BLTP1: variants seen among roughly 807,000 people sequenced by gnomAD.
BLTP1 encodes bridge-like lipid transfer protein family member 1, also known as fragile site-associated protein.
the BLTP1 span, among the ~76,000 whole-genome samples, chr4:122,239,019 T>C: frequency 1.5e-4 from 23 of 152,180 alleles, no homozygotes; most frequent in African/African-American, 5.1e-4. Flanking sequence ...GGATGTTTCA[T>C]GGAGACTTCA....
At chr4:122,196,663 CCTGA>C in the BLTP1 span, 1 of 1,609,056 alleles carries the variant, frequency 6.2e-7, no homozygotes, top group Non-Finnish European at 8.5e-7. Flanking sequence ...TTTCTTTCCA[CCTGA>C]CTATCAAGTT....
At chr4:122,356,964 GT>G in the BLTP1 span, 1 of 983,054 alleles carries the variant, frequency 1.0e-6, no homozygotes, top group Non-Finnish European at 1.2e-6. Flanking sequence ...TTTACAAAGT[GT>G]TTCTGTATAC....
the BLTP1 span, chr4:122,197,408 A>T: frequency 1.1e-6 from 1 of 943,912 alleles, no homozygotes; most frequent in Non-Finnish European, 1.4e-6. Flanking sequence ...TGATGTGCCT[A>T]TACTCATTAA....
the BLTP1 span, among the ~76,000 whole-genome samples, chr4:122,283,443 T>G: frequency 6.6e-6 from 1 of 151,386 alleles, no homozygotes; most frequent in African/African-American, 2.4e-5. Context: ...AGTATCATGT[T>G]GCTGCCTGAC....
chr4:122,330,983 G>T, the BLTP1 span: 1 of 974,912 alleles, frequency 1.0e-6, no homozygotes, highest in East Asian at 1.1e-4. Context: ...TTTCCTTGTT[G>T]TTCTGTCTTT....
chr4:122,205,836 T>G, the BLTP1 span: 11 of 290,618 alleles, frequency 3.8e-5, no homozygotes, highest in Non-Finnish European at 4.6e-5. Context: ...TTTATGTACA[T>G]GGTATTGTGT....
At chr4:122,348,537 T>G in the BLTP1 span, 1 of 1,543,646 alleles carries the variant, frequency 6.5e-7, no homozygotes. Flanking sequence ...TTTATGTGAA[T>G]GAACATGTAT....
At chr4:122,256,260 C>G in the BLTP1 span, 1 of 745,534 alleles carries the variant, frequency 1.3e-6, no homozygotes, top group East Asian at 1.3e-4. Flanking sequence ...ACACTTAGAC[C>G]TAAGGCTGGT....
At chr4:122,243,865 C>A in the BLTP1 span, 4 of 1,592,302 alleles carry the variant, frequency 2.5e-6, no homozygotes, top group Non-Finnish European at 3.4e-6. Context: ...ACGCCGTATA[C>A]TCCATTGGAA....
the BLTP1 span, chr4:122,291,833 T>C: frequency 9.2e-4 from 898 of 979,716 alleles, no homozygotes; most frequent in Non-Finnish European, 1.0e-3. Flanking sequence ...TATTGTTTAG[T>C]ATGTTTTGTG....
the BLTP1 span, chr4:122,226,480 A>G: frequency 1.5e-6 from 2 of 1,292,998 alleles, no homozygotes; most frequent in Non-Finnish European, 2.0e-6. Flanking sequence ...ATTAGTTTTC[A>G]TTTTGACAGT....
At chr4:122,259,178 T>A in the BLTP1 span, among the ~76,000 whole-genome samples, 2 of 152,210 alleles carry the variant, frequency 1.3e-5, no homozygotes, top group South Asian at 4.2e-4. Context: ...GATCAATAGG[T>A]GGTTTGGGTT....
chr4:122,217,251 A>G, the BLTP1 span, among the ~76,000 whole-genome samples: 1 of 152,104 alleles, frequency 6.6e-6, no homozygotes, highest in African/African-American at 2.4e-5. Context: ...TTTGGTAATG[A>G]TAGCCTTGTA....
At chr4:122,250,017 G>A in the BLTP1 span, 4 of 938,870 alleles carry the variant, frequency 4.3e-6, no homozygotes, top group Non-Finnish European at 2.5e-6. Context: ...TGCCATATAG[G>A]ATATAAAAAC....
At chr4:122,347,754 A>G in the BLTP1 span, 3 of 1,613,660 alleles carry the variant, frequency 1.9e-6, no homozygotes, top group South Asian at 2.2e-5. Flanking sequence ...CAAGGAGTGT[A>G]TCTGATTCTT....
chr4:122,286,648 C>G, the BLTP1 span: 1 of 1,614,118 alleles, frequency 6.2e-7, no homozygotes, highest in African/African-American at 1.3e-5. Context: ...CAGTCTTAAC[C>G]TTCCCCCTGT....
the BLTP1 span, among the ~76,000 whole-genome samples, chr4:122,319,653 C>G: frequency 6.6e-6 from 1 of 151,078 alleles, no homozygotes; most frequent in African/African-American, 2.4e-5. Context: ...GCAGTTCTCT[C>G]CCTCAGCCTC....
the BLTP1 span, chr4:122,224,353 G>T: frequency 1.1e-6 from 1 of 875,496 alleles, no homozygotes; most frequent in African/African-American, 1.7e-5. Context: ...CGGGTACAAG[G>T]TTGTGTTAGG....
chr4:122,197,119 A>G, the BLTP1 span: 7 of 778,432 alleles, frequency 9.0e-6, no homozygotes, highest in Non-Finnish European at 1.4e-5. Context: ...TTTCTTCTGT[A>G]ATAATAACTG....
Sources: gnomAD v4.1 joint callset for allele counts (sites outside exome capture counted in the v4.1 genomes callset) on GRCh38, gnomAD v4.1.1 for gene constraint, MANE v1.5 for transcripts, NCBI Gene and HGNC (gene_info 2026-07-23, HGNC 2026-07-21) for gene names.